Variants in LMO4 observed in about 807,000 individuals in gnomAD.
LMO4 encodes LIM domain transcription factor LMO4.
In LMO4, 3 loss-of-function variants were observed where a neutral mutation model predicts 18.5. The ratio of observed to expected loss-of-function variants is 0.16; its 90% CI spans 0.07 to 0.42. The LOEUF is 0.42. LMO4 is among the 10% of genes least tolerant of loss of function. LMO4 has a pLI of 0.99. For synonymous variants in LMO4, 100 were observed against 88.1 expected, an observed-to-expected ratio of 1.14 and a Z score of -0.76; for missense variants, 121 against 219.9, an observed-to-expected ratio of 0.55 and a Z score of 2.84.
intron 1 of LMO4, among the ~76,000 whole-genome samples, chr1:87,330,273 C>T (rs1039343835): frequency 1.3e-5 from 2 of 152,122 alleles, no homozygotes; most frequent in South Asian, 4.1e-4. Flanking sequence ...TCCTCCCTCA[C>T]TCTCCTTTTA....
chr1:87,337,585 T>C (rs1435122819), intron 2 of LMO4, among the ~76,000 whole-genome samples: 2 of 152,224 alleles, frequency 1.3e-5, no homozygotes, highest in African/African-American at 2.4e-5. Flanking sequence ...TCTACCCCCA[T>C]TACCTGTCTT....
chr1:87,342,059 A>T (rs1650514177), intron 4 of LMO4, among the ~76,000 whole-genome samples: 1 of 152,156 alleles, frequency 6.6e-6, no homozygotes, highest in African/African-American at 2.4e-5. Flanking sequence ...TAAAAGCTTA[A>T]TTTTTCCCCG....
rs1422780683 is a variant in LMO4 at position 87,348,545 on chromosome 1, C to T, written c.*3749C>T. On this transcript the variant is annotated 3_prime_UTR_variant, in exon 5 of 5. Transcript: ENST00000370544. ...AGCCAGCTACTCCCACTTGCAGAGT[C>T]TGAGATCTGACTAGCAGCAAAGTGT... 5.2e-6 allele frequency: 2 copies of T among 386,192 alleles called. No homozygotes were observed. The highest frequency in any genetic ancestry group is 1.4e-4 in the East Asian group (2 of 13,814). 23.9% of individuals were successfully genotyped at this position (386,192 alleles called of 1,614,324 possible). A position where few individuals can be genotyped will look rare whatever the true frequency, so the allele number is the denominator to read the frequency against.
rs933743226 is a variant in LMO4, at chr1:87,345,448, T to C, written c.*652T>C. On this transcript the variant is annotated 3_prime_UTR_variant, in exon 5 of 5. Coordinates refer to ENST00000370544, the MANE Select transcript of LMO4 (RefSeq NM_006769.4). ...AAAAAAAAATCAGGCTCATAGCAGC[T>C]ACTGTGTAGAAAATTCCCCCTACTT... is the stretch of plus-strand genomic sequence containing the variant. 2 of 151,860 alleles carry C rather than the reference T, an allele frequency of 1.3e-5. No individual in the cohort carries two copies. The highest frequency in any genetic ancestry group is 2.9e-5 in the Non-Finnish European group (2 of 67,996). The allele number at this position is 151,860 out of a possible 1,614,324, so 9.4% of individuals were successfully genotyped here. A position where few individuals can be genotyped will look rare whatever the true frequency, so the allele number is the denominator to read the frequency against.
At chr1:87,330,828 G>A (rs1650117890) in intron 1 of LMO4, among the ~76,000 whole-genome samples, 1 of 152,202 alleles carries the variant, frequency 6.6e-6, no homozygotes, top group African/African-American at 2.4e-5. Flanking sequence ...CAGAATAAGT[G>A]ACTAGAGGAA....
chr1:87,343,367 AC>A (rs1650547851), intron 4 of LMO4, among the ~76,000 whole-genome samples: 1 of 152,150 alleles, frequency 6.6e-6, no homozygotes, highest in Non-Finnish European at 1.5e-5. Context: ...ACATTTTATA[AC>A]CTATATCACT....
At chr1:87,331,986 T>G in intron 1 of LMO4, 27 bp from the exon 2 acceptor site, 1 of 1,583,812 alleles carries the variant, frequency 6.3e-7, no homozygotes. Flanking sequence ...TGTCTTTCTC[T>G]CCCTGTCCCC....
At chr1:87,334,546 C>G (rs192710507) in intron 2 of LMO4, among the ~76,000 whole-genome samples, 159 of 152,368 alleles carry the variant, frequency 1.0e-3, no homozygotes, top group Non-Finnish European at 1.4e-3. Flanking sequence ...GAGTAATCTG[C>G]TCGCCCGCCG....
chr1:87,333,243 G>T (rs1469548123), intron 2 of LMO4, among the ~76,000 whole-genome samples: 1 of 151,932 alleles, frequency 6.6e-6, no homozygotes, highest in Non-Finnish European at 1.5e-5. Flanking sequence ...TGAGTAAATG[G>T]TTTGATAGAC....
chr1:87,331,992 T>A, intron 1 of LMO4, 21 bp from the exon 2 acceptor site: 2 of 1,596,026 alleles, frequency 1.3e-6, no homozygotes, highest in Non-Finnish European at 1.7e-6. Flanking sequence ...TCTCTCCCTG[T>A]CCCCTTCCCG....
At chr1:87,333,582 T>C (rs1452059228) in intron 2 of LMO4, among the ~76,000 whole-genome samples, 2 of 152,192 alleles carry the variant, frequency 1.3e-5, no homozygotes, top group Non-Finnish European at 2.9e-5. Flanking sequence ...TAGTGTAAGA[T>C]GATGGAGTAA....
At chr1:87,339,828 G>A (rs1650422393) in intron 3 of LMO4, among the ~76,000 whole-genome samples, 196 bp downstream of exon 3, 1 of 152,156 alleles carries the variant, frequency 6.6e-6, no homozygotes, top group Admixed American at 6.5e-5. Flanking sequence ...GCCACAGACA[G>A]AAGTACACAT....
chr1:87,330,272 ACTCT>A (rs909552785), intron 1 of LMO4, among the ~76,000 whole-genome samples: 12 of 151,732 alleles, frequency 7.9e-5, no homozygotes, highest in Non-Finnish European at 1.5e-5. Flanking sequence ...CTCCTCCCTC[ACTCT>A]CCTTTTAAAA....
intron 1 of LMO4, chr1:87,331,127 C>T: frequency 7.3e-6 from 1 of 136,394 alleles, no homozygotes; most frequent in Non-Finnish European, 1.5e-5. Context: ...TGATCAAGGG[C>T]AGATTAGTGA....
At chr1:87,338,440 C>G (rs192099006) in intron 2 of LMO4, among the ~76,000 whole-genome samples, 1 of 152,088 alleles carries the variant, frequency 6.6e-6, no homozygotes, top group Non-Finnish European at 1.5e-5. Flanking sequence ...TTACTTGTTC[C>G]GACACCACCT....
chr1:87,331,842 C>A, intron 1 of LMO4, 171 bp from the exon 2 acceptor site: 2 of 578,922 alleles, frequency 3.5e-6, no homozygotes, highest in Non-Finnish European at 6.1e-6. Flanking sequence ...GCCGGCGAGC[C>A]TCCCTTCTTC....
intron 2 of LMO4, among the ~76,000 whole-genome samples, chr1:87,338,092 T>C (rs537648208): frequency 1.2e-4 from 19 of 152,218 alleles, no homozygotes; most frequent in Non-Finnish European, 2.5e-4. Flanking sequence ...TTTACTACTC[T>C]CCCTGTCGTT....
In LMO4 at chr1:87,332,093, C is replaced by T; in HGVS notation, c.78C>T (p.Cys26=). 1.2e-6 allele frequency: 2 copies of T among 1,613,932 alleles called. No individual in the cohort carries two copies. Among genetic ancestry groups the T allele is most frequent in the South Asian group, 2.2e-5 (2 of 91,080 alleles). The change falls in exon 2 of 5, where the codon TGC becomes TGT. Residue 26 remains cysteine (C), a synonymous_variant. Transcript: ENST00000370544. The part of the protein sequence containing the change: ...GSLSWKRCAG[C]GGKIADRFLL... ...TCTCCTGGAAGCGGTGCGCAGGCTG[C>T]GGGGGCAAGATTGCGGACCGCTTTC...
chr1:87,342,398 A>G (rs1212992334), intron 4 of LMO4, among the ~76,000 whole-genome samples: 1 of 152,296 alleles, frequency 6.6e-6, no homozygotes, highest in East Asian at 1.9e-4. Context: ...TACATGTCTT[A>G]TGCCTTTCAT....
Sources: gnomAD v4.1 joint callset for allele counts (sites outside exome capture counted in the v4.1 genomes callset) on GRCh38, gnomAD v4.1.1 for gene constraint, MANE v1.5 for transcripts, NCBI Gene and HGNC (gene_info 2026-07-23, HGNC 2026-07-21) for gene names.